The following KIF13A variants were observed in gnomAD, a reference collection of about 807,000 sequenced individuals.
KIF13A encodes the protein kinesin-like protein KIF13A.
KIF13A carries 79 observed loss-of-function variants against 212.2 expected under a neutral mutation model. That is an observed-to-expected ratio of 0.37 (90% CI 0.31 to 0.45). KIF13A has a LOEUF of 0.45. Ranked by LOEUF, KIF13A falls within the 20% of genes least tolerant of loss-of-function variation. The probability of loss-of-function intolerance (pLI) is 1.00; values close to 1 mark genes in which losing one functional copy is unlikely to be tolerated. For synonymous variants in KIF13A, 789 were observed against 808.6 expected, an observed-to-expected ratio of 0.98 and a Z score of 0.41; for missense variants, 1,901 against 2,209.0, an observed-to-expected ratio of 0.86 and a Z score of 2.79.
chr6:17,790,006 A>T, intron 25 of KIF13A, 96 bp from the exon 26 acceptor site: 1 of 918,478 alleles, frequency 1.1e-6, no homozygotes, highest in Non-Finnish European at 1.7e-6. Context: ...ATTAAAATGG[A>T]CAGCTTACCT....
intron 11 of KIF13A, among the ~76,000 whole-genome samples, chr6:17,835,309 T>C (rs958118324): frequency 1.3e-5 from 2 of 150,334 alleles, no homozygotes; most frequent in African/African-American, 4.9e-5. Flanking sequence ...CAGCCAGGTA[T>C]TGCTTGAGCC....
At chr6:17,902,604 C>T (rs758223572) in intron 2 of KIF13A, among the ~76,000 whole-genome samples, 1 of 152,136 alleles carries the variant, frequency 6.6e-6, no homozygotes, top group Non-Finnish European at 1.5e-5. Flanking sequence ...TCCACTCTGC[C>T]GGATCATACC....
rs1447337661 is a variant in KIF13A, at chr6:17,794,149, C to T, written c.3222+100G>A. On this transcript the variant is annotated intron_variant, in intron 25 of 38. Coordinates refer to ENST00000259711, the MANE Select transcript of KIF13A (RefSeq NM_022113.6). This position sits in a 1 kb window ranked among gnomAD's most constrained non-coding sequence, Gnocchi z 4.1. ...GAAATGTGAACTGGGGGAAGATCTACGGTTAAGGCAAAGAGTTCTGTTATA... is the reference window on the plus strand; with the variant it reads ...GAAATGTGAACTGGGGGAAGATCTATGGTTAAGGCAAAGAGTTCTGTTATA... The T allele has an allele frequency of 5.8e-5, 51 of 878,596 alleles. No individual in the cohort carries two copies. Among genetic ancestry groups the T allele is most frequent in the Non-Finnish European group, 8.2e-5 (47 of 572,478 alleles). The allele number at this position is 878,596 out of a possible 1,614,324, so 54.4% of individuals were successfully genotyped here.
At chr6:17,803,785 A>G (rs1345164794) in intron 20 of KIF13A, among the ~76,000 whole-genome samples, 1 of 152,206 alleles carries the variant, frequency 6.6e-6, no homozygotes, top group Non-Finnish European at 1.5e-5. Flanking sequence ...TGGTTTCCAA[A>G]ATATTTCCCA....
chr6:17,798,105 A>C (rs1324902659), intron 22 of KIF13A, among the ~76,000 whole-genome samples: 1 of 152,204 alleles, frequency 6.6e-6, no homozygotes, highest in Non-Finnish European at 1.5e-5. Context: ...TTAACCATAT[A>C]GTATCTGCTT....
chr6:17,934,445 T>C lies in KIF13A; in HGVS notation c.147-36265A>G, dbSNP rs1481755174. On this transcript the variant is annotated intron_variant, in intron 2 of 38. Coordinates refer to ENST00000259711, the MANE Select transcript of KIF13A (RefSeq NM_022113.6). This position sits in a 1 kb window ranked among gnomAD's most constrained non-coding sequence, Gnocchi z 5.4. ...AAGCCAAATGAAATATTCCAGCAGGTAGTATTCTAAAATCATAAATACAGA... is the reference window on the plus strand; with the variant it reads ...AAGCCAAATGAAATATTCCAGCAGGCAGTATTCTAAAATCATAAATACAGA... Among the ~76,000 whole-genome samples, 1 of 152,146 alleles carries C rather than the reference T, an allele frequency of 6.6e-6. No homozygotes were observed. Among genetic ancestry groups the C allele is most frequent in the African/African-American group, 2.4e-5 (1 of 41,422 alleles).
chr6:17,818,444 G>A (rs1764142647), intron 16 of KIF13A, among the ~76,000 whole-genome samples: 1 of 152,080 alleles, frequency 6.6e-6, no homozygotes, highest in South Asian at 2.1e-4. Flanking sequence ...AGCATTAAGA[G>A]AAAAAGATAG....
At chr6:17,939,775 G>T (rs982406057) in intron 2 of KIF13A, among the ~76,000 whole-genome samples, 1 of 151,934 alleles carries the variant, frequency 6.6e-6, no homozygotes, top group Non-Finnish European at 1.5e-5. Context: ...TCACCTGGCC[G>T]GGCGTAGTGG....
intron 4 of KIF13A, among the ~76,000 whole-genome samples, chr6:17,860,355 C>T (rs1250144224): frequency 1.3e-5 from 2 of 151,770 alleles, no homozygotes; most frequent in Non-Finnish European, 2.9e-5. Context: ...AGTCCAGCTA[C>T]TTTTTGTATT....
intron 4 of KIF13A, among the ~76,000 whole-genome samples, chr6:17,859,208 G>A (rs1415887195): frequency 6.6e-6 from 1 of 152,132 alleles, no homozygotes; most frequent in Non-Finnish European, 1.5e-5. Flanking sequence ...ATAGTTGTAT[G>A]AAGTAGGTTT....
intron 2 of KIF13A, among the ~76,000 whole-genome samples, chr6:17,917,813 C>G (rs1429542018): frequency 6.6e-6 from 1 of 152,104 alleles, no homozygotes. Flanking sequence ...TAAACAAATA[C>G]CAAGTTCCAG....
intron 2 of KIF13A, among the ~76,000 whole-genome samples, chr6:17,977,991 G>A (rs984221164): frequency 5.3e-5 from 8 of 152,194 alleles, no homozygotes; most frequent in African/African-American, 1.9e-4. Context: ...GCTTTGACAT[G>A]AAAAGTACAC....
At chr6:17,878,237 GC>G (rs1485972895) in intron 3 of KIF13A, among the ~76,000 whole-genome samples, 1 of 152,214 alleles carries the variant, frequency 6.6e-6, no homozygotes, top group Non-Finnish European at 1.5e-5. Context: ...CTGTGGAAAA[GC>G]ATGACAGCCA....
chr6:17,782,929 G>A lies in KIF13A; in HGVS notation c.3544+717C>T, dbSNP rs140611781. Among the ~76,000 whole-genome samples the A allele has an allele frequency of 1.6e-3, 243 of 152,240 alleles. 4 individuals are homozygous for A. In the East Asian group the frequency reaches 0.028, roughly 18 times the overall value. ...TATGACAGGGAACTCACTATCTTAT[G>A]AGGCATACATTCAACATCTAGGCTT... On this transcript the variant is annotated intron_variant, in intron 29 of 38. Coordinates refer to ENST00000259711, the MANE Select transcript of KIF13A (RefSeq NM_022113.6).
intron 2 of KIF13A, among the ~76,000 whole-genome samples, chr6:17,906,819 A>G (rs892491229): frequency 6.6e-6 from 1 of 152,150 alleles, no homozygotes; most frequent in African/African-American, 2.4e-5. Context: ...CCATGAGAAT[A>G]CCTGGTAGGG....
At chr6:17,792,966 C>T (rs371151387) in intron 25 of KIF13A, among the ~76,000 whole-genome samples, 116 of 152,292 alleles carry the variant, frequency 7.6e-4, no homozygotes, top group African/African-American at 2.5e-3. Flanking sequence ...TCACATATGA[C>T]GGTGAGGGAG....
chr6:17,859,856 C>T (rs1474685930), intron 4 of KIF13A, among the ~76,000 whole-genome samples: 3 of 151,666 alleles, frequency 2.0e-5, no homozygotes, highest in Non-Finnish European at 2.9e-5. Flanking sequence ...AGGCTGGTCT[C>T]GAACTCCTGA....
chr6:17,830,585 G>C (rs1765364107), intron 13 of KIF13A, among the ~76,000 whole-genome samples: 2 of 152,332 alleles, frequency 1.3e-5, no homozygotes, highest in South Asian at 2.1e-4. Flanking sequence ...CTCTACACCT[G>C]AAGGGTGATT....
chr6:17,928,766 A>G (rs1168741887), intron 2 of KIF13A, among the ~76,000 whole-genome samples: 3 of 152,202 alleles, frequency 2.0e-5, no homozygotes, highest in African/African-American at 7.2e-5. Flanking sequence ...GCAAAAAATT[A>G]TGATGGTTAA....
Sources: allele counts gnomAD v4.1 joint callset (sites outside exome capture counted in the v4.1 genomes callset), GRCh38; gene constraint gnomAD v4.1.1; non-coding constraint Gnocchi (gnomAD v3.1); transcripts MANE v1.5; gene names NCBI Gene and HGNC (gene_info 2026-07-23, HGNC 2026-07-21).